LPCAT1: variants seen among roughly 807,000 people sequenced by gnomAD.
The protein encoded by LPCAT1 is lysophosphatidylcholine acyltransferase 1.
In LPCAT1, 23 loss-of-function variants were observed where a neutral mutation model predicts 60.9. That is an observed-to-expected ratio of 0.38 (90% confidence interval 0.27 to 0.53). The LOEUF (loss-of-function observed/expected upper bound fraction) is 0.53, where lower values mean the gene tolerates loss of function less well. Ranked by LOEUF, LPCAT1 falls within the 20% of genes least tolerant of loss-of-function variation. The pLI, the probability that LPCAT1 is intolerant of heterozygous loss-of-function variation, is 0.82. For synonymous variants in LPCAT1, 340 were observed against 301.1 expected, an observed-to-expected ratio of 1.13 and a Z score of -1.34; for missense variants, 622 against 723.6, an observed-to-expected ratio of 0.86 and a Z score of 1.61.
chr5:1,501,694 G>T, intron 1 of LPCAT1, 91 bp from the exon 2 acceptor site: 1 of 1,316,456 alleles, frequency 7.6e-7, no homozygotes. Flanking sequence ...GGGACAGCGC[G>T]CCCCACAGAG....
At chr5:1,517,676 C>CAAAAAA (rs35322573) in intron 1 of LPCAT1, among the ~76,000 whole-genome samples, 1 of 149,270 alleles carries the variant, frequency 6.7e-6, no homozygotes, top group African/African-American at 2.5e-5. Flanking sequence ...AATTCAACTG[C>CAAAAAA]AAAAAAAAAA....
rs1477600366 is a variant in LPCAT1 at position 1,523,788 on chromosome 5, G to A, written c.57C>T (p.Ser19=). The change falls in exon 1 of 14, where the codon AGC becomes AGT. Residue 19 remains serine, a synonymous_variant. Transcript: ENST00000283415. The surrounding 1 kb of genome is among the most constrained non-coding windows in gnomAD (Gnocchi z 7.1). The part of the protein sequence containing the change: ...RAAPASSAGA[S]DARLLAPPGR... ...CCGGGGGCGCCAGCAGCCGAGCGTC[G>A]CTGGCCCCTGCGCTGGAGGCAGGGG... is the stretch of plus-strand genomic sequence containing the variant. The A allele has an allele frequency of 3.5e-6, 4 of 1,127,850 alleles. No individual in the cohort carries two copies. The highest frequency in any genetic ancestry group is 6.3e-5 in the South Asian group (2 of 31,504). The allele number at this position is 1,127,850 out of a possible 1,614,324, so 69.9% of individuals were successfully genotyped here. A position where few individuals can be genotyped will look rare whatever the true frequency, so the allele number is the denominator to read the frequency against.
chr5:1,479,906 C>T (rs189342073), intron 7 of LPCAT1, among the ~76,000 whole-genome samples: 87 of 151,750 alleles, frequency 5.7e-4, no homozygotes, highest in African/African-American at 2.0e-3. Flanking sequence ...GTCCTTGGTT[C>T]GTCTAGCAAG....
At position 1,523,112 on chromosome 5, in the gene LPCAT1, A is replaced by C. The variant is rs1159637900; in HGVS notation, c.135+598T>G. On this transcript the variant is annotated intron_variant, in intron 1 of 13. Coordinates refer to ENST00000283415, the MANE Select transcript of LPCAT1 (RefSeq NM_024830.5). The surrounding 1 kb of genome is among the most constrained non-coding windows in gnomAD (Gnocchi z 7.1). ...CAACGTGCGGCCGCAGAGCAGGGAG[A>C]CCCGTGCGCCTACAGGGGACCCTAC... is the stretch of plus-strand genomic sequence containing the variant. Among the ~76,000 whole-genome samples the C allele has an allele frequency of 6.6e-6, 1 of 152,150 alleles. No individual in the cohort carries two copies. The highest frequency in any genetic ancestry group is 1.5e-5 in the Non-Finnish European group (1 of 68,020).
intron 2 of LPCAT1, among the ~76,000 whole-genome samples, chr5:1,499,405 T>TCA (rs1483767795): frequency 6.6e-6 from 1 of 152,190 alleles, no homozygotes; most frequent in Non-Finnish European, 1.5e-5. Context: ...GCAGCCTGCT[T>TCA]CACACTACAG....
At chr5:1,464,667 GCA>G (rs1276905902) in intron 13 of LPCAT1, among the ~76,000 whole-genome samples, 10 of 111,324 alleles carry the variant, frequency 9.0e-5, no homozygotes, top group Non-Finnish European at 1.2e-4. Flanking sequence ...ACAAAAGCAC[GCA>G]CACACACGGT....
rs772529991 is a variant in LPCAT1 at position 1,480,913 on chromosome 5, CAA to C, written c.761+27_761+28del. On this transcript the variant is annotated intron_variant, in intron 7 of 13. Transcript: ENST00000283415. This position sits in a 1 kb window ranked among gnomAD's most constrained non-coding sequence, Gnocchi z 6.4. The stretch of plus-strand genomic sequence containing the variant: ...CCTACGTGTTCATGGAACAACAGGA[CAA>C]AGAGGACGACACGGCGTTCAACTTA... 1.9e-5 allele frequency: 31 copies of C among 1,613,632 alleles called. No homozygotes were observed. The highest frequency in any genetic ancestry group is 1.7e-6 in the Non-Finnish European group (2 of 1,179,916).
chr5:1,511,737 G>A (rs762674019), intron 1 of LPCAT1, among the ~76,000 whole-genome samples: 1 of 152,214 alleles, frequency 6.6e-6, no homozygotes, highest in Non-Finnish European at 1.5e-5. Context: ...ATCCCTGAGT[G>A]GGATCAGGCC....
In LPCAT1 at chr5:1,477,401, T is replaced by G. The variant is rs1403156904; in HGVS notation, c.899+3A>C. 6.2e-7 allele frequency: 1 copy of G among 1,613,504 alleles called. No individual in the cohort carries two copies. Among genetic ancestry groups the G allele is most frequent in the East Asian group, 2.2e-5 (1 of 44,892 alleles). ...GCGATGGGGGAAGGAGCTGCTCACT[T>G]ACTCGGCCATGACTCGCCGCACGTT... is the stretch of plus-strand genomic sequence containing the variant. On this transcript the variant is annotated splice_donor_region_variant and intron_variant, in intron 9 of 13. Transcript: ENST00000283415. This position sits in a 1 kb window ranked among gnomAD's most constrained non-coding sequence, Gnocchi z 6.0.
chr5:1,464,267 A>G (rs1238586432), intron 13 of LPCAT1, among the ~76,000 whole-genome samples: 1 of 152,156 alleles, frequency 6.6e-6, no homozygotes, highest in East Asian at 1.9e-4. Flanking sequence ...CCGTCCTCAC[A>G]GAGCCTCGGA....
intron 1 of LPCAT1, among the ~76,000 whole-genome samples, chr5:1,517,727 A>G (rs547599577): frequency 7.5e-4 from 114 of 152,366 alleles, no homozygotes; most frequent in African/African-American, 2.6e-3. Context: ...AATGGAAGCA[A>G]GTAGTGACCA....
chr5:1,515,672 A>G (rs112593096), intron 1 of LPCAT1, among the ~76,000 whole-genome samples: 23,624 of 134,902 alleles, frequency 0.18, 3,708 homozygotes, highest in African/African-American at 0.44. Context: ...AGTCCCACCC[A>G]CTTAGCTGCA....
Position 1,481,217 on chromosome 5 carries a change from G to A in LPCAT1, c.727-241C>T, listed in dbSNP as rs1272976214. Among the ~76,000 whole-genome samples the A allele has an allele frequency of 2.0e-5, 3 of 152,032 alleles. No individual in the cohort carries two copies. The South Asian group carries it at 6.2e-4, about 32-fold the overall frequency. ...GGACCCAGAGAACCACCACCTTACA[G>A]GTCCCCAGAGTTCCCCCAAGATCCC... is the stretch of plus-strand genomic sequence containing the variant. On this transcript the variant is annotated intron_variant, in intron 6 of 13. Transcript: ENST00000283415. The surrounding 1 kb of genome is among the most constrained non-coding windows in gnomAD (Gnocchi z 7.8).
rs76205091 is a variant in LPCAT1, at chr5:1,475,369, C to T, written c.900-684G>A. Among the ~76,000 whole-genome samples, 6 of 152,300 alleles carry T rather than the reference C, an allele frequency of 3.9e-5. No homozygotes were observed. In the East Asian group the frequency reaches 1.2e-3, roughly 29 times the overall value. On this transcript the variant is annotated intron_variant, in intron 9 of 13. Transcript: ENST00000283415. The stretch of plus-strand genomic sequence containing the variant: ...AGTCCTGGCCCCGCCACGTGTGACT[C>T]CAGGTGAGCCAGGGACCAGGAGCCC...
chr5:1,492,610 T>A (rs1193370124), intron 3 of LPCAT1, among the ~76,000 whole-genome samples: 1 of 152,218 alleles, frequency 6.6e-6, no homozygotes, highest in Non-Finnish European at 1.5e-5. Context: ...CACGCAGGGC[T>A]CCACGAGGGC....
intron 2 of LPCAT1, 131 bp downstream of exon 2, chr5:1,501,330 G>T: frequency 7.8e-7 from 1 of 1,282,054 alleles, no homozygotes. Context: ...AGCCCTGGTG[G>T]ACGCTGGGCT....
rs960491290 is a variant in LPCAT1, at chr5:1,463,320, G to C, written c.*331C>G. On this transcript the variant is annotated 3_prime_UTR_variant, in exon 14 of 14. Transcript: ENST00000283415. ...CCCGGTGCACGCTGCCGCCGGAAGA[G>C]GCTGTGACAGAGACTCGAAACCAGG... The C allele has an allele frequency of 5.5e-5, 16 of 289,204 alleles. No individual in the cohort carries two copies. The highest frequency in any genetic ancestry group is 7.8e-5 in the Non-Finnish European group (12 of 153,788). 17.9% of individuals were successfully genotyped at this position (289,204 alleles called of 1,614,324 possible). A position where few individuals can be genotyped will look rare whatever the true frequency, so the allele number is the denominator to read the frequency against.
intron 2 of LPCAT1, 64 bp downstream of exon 2, chr5:1,501,397 G>T: frequency 6.5e-7 from 1 of 1,539,608 alleles, no homozygotes; most frequent in African/African-American, 1.4e-5. Flanking sequence ...TGTGAGAATG[G>T]GTTCCCACTG....
In LPCAT1 at chr5:1,477,365, C is replaced by T. The variant is rs1278647075; in HGVS notation, c.899+39G>A. 2.6e-6 allele frequency: 4 copies of T among 1,554,066 alleles called. No individual in the cohort carries two copies. Among genetic ancestry groups the T allele is most frequent in the Middle Eastern group, 1.7e-4 (1 of 5,948 alleles). On this transcript the variant is annotated intron_variant, in intron 9 of 13. Transcript: ENST00000283415. The surrounding 1 kb of genome is among the most constrained non-coding windows in gnomAD (Gnocchi z 6.0). Reference sequence around the variant, plus strand: ...ACAGAGAGCAGCACTCTGGGAGACACCCCTGACTCGGCGATGGGGGAAGGA... The same window carrying T: ...ACAGAGAGCAGCACTCTGGGAGACATCCCTGACTCGGCGATGGGGGAAGGA...
Sources: gnomAD v4.1 joint callset for allele counts (sites outside exome capture counted in the v4.1 genomes callset) on GRCh38, gnomAD v4.1.1 for gene constraint, Gnocchi (gnomAD v3.1) non-coding constraint, MANE v1.5 for transcripts, NCBI Gene and HGNC (gene_info 2026-07-23, HGNC 2026-07-21) for gene names.